MAN1A2: variants seen among roughly 807,000 people sequenced by gnomAD.
MAN1A2 encodes mannosyl-oligosaccharide 1,2-alpha-mannosidase IB.
A neutral mutation model predicts 75.7 loss-of-function variants in MAN1A2; 26 were observed. The observed-to-expected ratio is 0.34, with a 90% CI of 0.25 to 0.48. The LOEUF (loss-of-function observed/expected upper bound fraction) is 0.48, where lower values mean the gene tolerates loss of function less well. Among genes scored for constraint, MAN1A2 ranks in the 20% least tolerant of loss-of-function variants. MAN1A2 has a pLI of 0.99. For missense variants in MAN1A2, 562 were observed against 775.5 expected (o/e 0.72, Z 3.27); for synonymous variants, 247 against 264.6 (o/e 0.93, Z 0.65).
rs34356036 is a variant in MAN1A2 at position 117,491,104 on chromosome 1, AT to A, written c.1169-2033del. 4.7e-3 allele frequency among the ~76,000 whole-genome samples: 707 copies of A among 149,916 alleles called. 5 individuals carry two copies. The highest frequency in any genetic ancestry group is 0.017 in the African/African-American group (681 of 40,240). On this transcript the variant is annotated intron_variant, in intron 8 of 12. Coordinates refer to ENST00000356554, the MANE Select transcript of MAN1A2 (RefSeq NM_006699.5). ...AAAACTGCAGCAAGTGATCCAGAAG[AT>A]TTTTTTTTTCCAGAAGATCTAACTA...
intron 8 of MAN1A2, among the ~76,000 whole-genome samples, chr1:117,490,488 C>A (rs1475393): frequency 0.13 from 20,099 of 151,970 alleles, 1,511 homozygotes; most frequent in Admixed American, 0.22. Context: ...TACCAACTAG[C>A]CATTTCCCTG....
intron 5 of MAN1A2, among the ~76,000 whole-genome samples, chr1:117,434,513 T>TA (rs2101802429): frequency 6.6e-6 from 1 of 152,192 alleles, no homozygotes; most frequent in South Asian, 2.1e-4. Flanking sequence ...AGTAACAGAG[T>TA]AGATACACAA....
chr1:117,375,148 G>C (rs1570691488), intron 1 of MAN1A2, among the ~76,000 whole-genome samples: 1 of 152,222 alleles, frequency 6.6e-6, no homozygotes. Flanking sequence ...GTCTTCACCT[G>C]TTACCTGAGA....
chr1:117,527,001 A>G lies in MAN1A2; in HGVS notation c.*4044A>G, dbSNP rs1652049244. On this transcript the variant is annotated 3_prime_UTR_variant, in exon 13 of 13. Transcript: ENST00000356554. ...TAATTTTTAATACTCTTTGTTAACA[A>G]ACACAGTTGAAAACTGGTTTCGGCT... 1 of 150,740 alleles carries G rather than the reference A, an allele frequency of 6.6e-6. No homozygotes were observed. Among genetic ancestry groups the G allele is most frequent in the South Asian group, 2.1e-4 (1 of 4,806 alleles). 9.3% of individuals were successfully genotyped at this position (150,740 alleles called of 1,614,324 possible). A position where few individuals can be genotyped will look rare whatever the true frequency, so the allele number is the denominator to read the frequency against.
chr1:117,428,109 C>A (rs1159308759), intron 5 of MAN1A2, among the ~76,000 whole-genome samples: 9 of 150,372 alleles, frequency 6.0e-5, no homozygotes, highest in African/African-American at 2.2e-4. Context: ...CTCTCTCTCT[C>A]TCTATTTTTT....
At chr1:117,493,368 AATAC>A (rs1449025576) in intron 9 of MAN1A2, 106 bp downstream of exon 9, 3 of 598,022 alleles carry the variant, frequency 5.0e-6, no homozygotes, top group African/African-American at 1.9e-5. Flanking sequence ...ACATTCAGTA[AATAC>A]ATACAAACAT....
intron 8 of MAN1A2, among the ~76,000 whole-genome samples, chr1:117,475,771 G>A (rs538464953): frequency 1.3e-5 from 2 of 152,162 alleles, no homozygotes; most frequent in Non-Finnish European, 2.9e-5. Context: ...TCATTGATGG[G>A]CATTTGGATT....
At chr1:117,520,803 G>A (rs766249389) in intron 12 of MAN1A2, among the ~76,000 whole-genome samples, 4 of 151,740 alleles carry the variant, frequency 2.6e-5, no homozygotes, top group Non-Finnish European at 5.9e-5. Context: ...ATTCTTCACC[G>A]AACTAGAAAA....
rs1299564166 is a variant in MAN1A2 at position 117,525,065 on chromosome 1, A to G, written c.*2108A>G. On this transcript the variant is annotated 3_prime_UTR_variant, in exon 13 of 13. Coordinates refer to ENST00000356554, the MANE Select transcript of MAN1A2 (RefSeq NM_006699.5). The stretch of plus-strand genomic sequence containing the variant: ...TACCTTATTTAGAAGAATGCAGAGT[A>G]AAGGGACCTTCTTGGTTCTGCAGGA... The G allele has an allele frequency of 3.9e-6, 2 of 516,738 alleles. No individual in the cohort carries two copies. Among genetic ancestry groups the G allele is most frequent in the Non-Finnish European group, 4.0e-6 (1 of 251,652 alleles). 32.0% of individuals were successfully genotyped at this position (516,738 alleles called of 1,614,324 possible). A position where few individuals can be genotyped will look rare whatever the true frequency, so the allele number is the denominator to read the frequency against.
intron 12 of MAN1A2, among the ~76,000 whole-genome samples, chr1:117,517,145 A>C (rs958437805): frequency 7.2e-5 from 11 of 152,110 alleles, no homozygotes; most frequent in Non-Finnish European, 1.5e-4. Flanking sequence ...CAAATAATGA[A>C]AGCAAGACCT....
intron 6 of MAN1A2, among the ~76,000 whole-genome samples, chr1:117,453,969 T>C (rs1202971617): frequency 1.3e-5 from 2 of 152,174 alleles, no homozygotes; most frequent in Non-Finnish European, 2.9e-5. Context: ...GGCAAGACCC[T>C]CCACCATCAA....
At chr1:117,376,532 T>G (rs1381428668) in intron 1 of MAN1A2, among the ~76,000 whole-genome samples, 1 of 152,206 alleles carries the variant, frequency 6.6e-6, no homozygotes, top group Non-Finnish European at 1.5e-5. Context: ...TCCTCTAGTG[T>G]TTTTCCAACT....
chr1:117,444,586 G>T (rs1024330519), intron 6 of MAN1A2, among the ~76,000 whole-genome samples: 2 of 151,794 alleles, frequency 1.3e-5, no homozygotes, highest in Non-Finnish European at 2.9e-5. Context: ...TTGACACGAT[G>T]GTTGCTATAA....
chr1:117,445,882 G>GTATATATATATATATATATATA (rs1224175021), intron 6 of MAN1A2, among the ~76,000 whole-genome samples: 1 of 134,848 alleles, frequency 7.4e-6, no homozygotes. Flanking sequence ...GTCTGTGTGT[G>GTATATATATATATATATATATA]TGTATATATA....
intron 8 of MAN1A2, among the ~76,000 whole-genome samples, chr1:117,468,273 A>C (rs1223134206): frequency 6.6e-6 from 1 of 152,170 alleles, no homozygotes; most frequent in Non-Finnish European, 1.5e-5. Flanking sequence ...GAACTCACTC[A>C]TTATCAAGAG....
intron 3 of MAN1A2, among the ~76,000 whole-genome samples, chr1:117,408,472 GGTGTGT>G (rs75129243): frequency 1.3e-5 from 2 of 151,002 alleles, no homozygotes; most frequent in African/African-American, 4.9e-5. Context: ...TTATTTTCCA[GGTGTGT>G]GTGTGTGTGT....
intron 1 of MAN1A2, among the ~76,000 whole-genome samples, chr1:117,370,989 A>C (rs1652943550): frequency 6.6e-6 from 1 of 152,082 alleles, no homozygotes. Flanking sequence ...GATACTGAGA[A>C]ATTTTAAAAC....
At chr1:117,458,497 C>G (rs6690876) in intron 6 of MAN1A2, among the ~76,000 whole-genome samples, 1,426 of 103,452 alleles carry the variant, frequency 0.014, 32 homozygotes, top group African/African-American at 0.045. Context: ...ATATATATAT[C>G]TATATATATA....
chr1:117,458,523 A>ATATTTTTTTTTTTT (rs1553236643), intron 6 of MAN1A2, among the ~76,000 whole-genome samples: 54 of 105,568 alleles, frequency 5.1e-4, no homozygotes, highest in Non-Finnish European at 9.8e-4. Flanking sequence ...ATATATATAT[A>ATATTTTTTTTTTTT]TTTTTTTTTT....
Sources: gnomAD v4.1 joint callset for allele counts (sites outside exome capture counted in the v4.1 genomes callset) on GRCh38, gnomAD v4.1.1 for gene constraint, MANE v1.5 for transcripts, NCBI Gene and HGNC (gene_info 2026-07-23, HGNC 2026-07-21) for gene names.